ANO4: variants seen among roughly 807,000 people sequenced by gnomAD.
ANO4 encodes anoctamin 4.
A neutral mutation model predicts 141.9 loss-of-function variants in ANO4; 69 were observed. The observed-to-expected ratio is 0.49, with a 90% CI of 0.40 to 0.59. ANO4 has a LOEUF of 0.59. Ranked by LOEUF, ANO4 falls within the 20% of genes least tolerant of loss-of-function variation. The probability of loss-of-function intolerance (pLI) is 0.00; values close to 1 mark genes in which losing one functional copy is unlikely to be tolerated. For synonymous variants in ANO4, 350 were observed against 394.3 expected, an observed-to-expected ratio of 0.89 and a Z score of 1.33; for missense variants, 894 against 1,162.2, an observed-to-expected ratio of 0.77 and a Z score of 3.36.
chr12:100,924,711 A>G (rs1431606247), intron 3 of ANO4, among the ~76,000 whole-genome samples: 1 of 152,130 alleles, frequency 6.6e-6, no homozygotes, highest in Non-Finnish European at 1.5e-5. Flanking sequence ...GATTTGAAAG[A>G]TGATAGGTTG....
chr12:100,930,796 T>C (rs2042059454), intron 3 of ANO4, among the ~76,000 whole-genome samples: 1 of 152,144 alleles, frequency 6.6e-6, no homozygotes. Context: ...CAGTAAAATG[T>C]ATTTTTCCCC....
chr12:100,773,489 A>G (rs2033379839), intron 3 of ANO4, among the ~76,000 whole-genome samples: 1 of 152,232 alleles, frequency 6.6e-6, no homozygotes, highest in Non-Finnish European at 1.5e-5. Context: ...ATTTAGACAC[A>G]TTCCCTCAGT....
intron 8 of ANO4, among the ~76,000 whole-genome samples, chr12:101,007,845 A>G (rs2045935035): frequency 6.6e-6 from 1 of 152,126 alleles, no homozygotes; most frequent in African/African-American, 2.4e-5. Flanking sequence ...TCAGCCTCCC[A>G]GGTAGCTAGG....
At chr12:100,798,797 G>A (rs11110524) in intron 1 of ANO4, among the ~76,000 whole-genome samples, 7,283 of 152,256 alleles carry the variant, frequency 0.048, 239 homozygotes, top group Middle Eastern at 0.082. Context: ...TCTGAAGAGC[G>A]AAGAAATGTA....
intron 16 of ANO4, among the ~76,000 whole-genome samples, chr12:101,085,440 A>C (rs1427614778): frequency 6.6e-6 from 1 of 152,202 alleles, no homozygotes; most frequent in Non-Finnish European, 1.5e-5. Context: ...TTTCCTAAAC[A>C]ATACAGTATA....
intron 3 of ANO4, among the ~76,000 whole-genome samples, chr12:100,789,069 G>A (rs2033961274): frequency 6.6e-6 from 1 of 152,080 alleles, no homozygotes; most frequent in African/African-American, 2.4e-5. Flanking sequence ...ATAGAGCTGG[G>A]GAGAAATGGC....
chr12:101,058,994 G>A (rs960932691), intron 14 of ANO4, among the ~76,000 whole-genome samples: 2 of 152,100 alleles, frequency 1.3e-5, no homozygotes, highest in Admixed American at 6.5e-5. Flanking sequence ...TATTGGCTGT[G>A]GGTTTGTCAT....
chr12:101,061,474 G>T (rs902587969), intron 14 of ANO4, among the ~76,000 whole-genome samples: 1 of 152,010 alleles, frequency 6.6e-6, no homozygotes, highest in Non-Finnish European at 1.5e-5. Flanking sequence ...CCTGAAGAGT[G>T]TTTTCCAACT....
chr12:100,718,420 G>A (rs1204246497), intron 1 of ANO4, among the ~76,000 whole-genome samples: 1 of 152,160 alleles, frequency 6.6e-6, no homozygotes, highest in African/African-American at 2.4e-5. Flanking sequence ...ATCTAGATTT[G>A]GCATTTTAAA....
chr12:100,954,302 A>G (rs1197505714), intron 5 of ANO4, among the ~76,000 whole-genome samples: 2 of 152,160 alleles, frequency 1.3e-5, no homozygotes, highest in Non-Finnish European at 2.9e-5. Context: ...AGCCTGAAGC[A>G]CCACAGCAGC....
At chr12:101,100,343 G>A (rs545193265) in intron 22 of ANO4, among the ~76,000 whole-genome samples, 6 of 152,148 alleles carry the variant, frequency 3.9e-5, no homozygotes, top group African/African-American at 1.4e-4. Context: ...GGGAAGGGCT[G>A]GGCAAGAACC....
intron 3 of ANO4, among the ~76,000 whole-genome samples, chr12:100,749,908 T>G (rs1225977333): frequency 6.6e-6 from 1 of 152,198 alleles, no homozygotes; most frequent in Non-Finnish European, 1.5e-5. Context: ...TAGAGATAGC[T>G]TCAATAGCAC....
intron 3 of ANO4, among the ~76,000 whole-genome samples, chr12:100,743,064 G>A (rs2135476247): frequency 6.6e-6 from 1 of 151,556 alleles, no homozygotes; most frequent in South Asian, 2.1e-4. Flanking sequence ...TATGTATTGT[G>A]ATAAGTCCTT....
intron 14 of ANO4, among the ~76,000 whole-genome samples, chr12:101,058,797 G>C (rs1448621298): frequency 1.3e-5 from 2 of 152,092 alleles, no homozygotes; most frequent in African/African-American, 2.4e-5. Flanking sequence ...ATACAGTCAT[G>C]TCATCTGCAA....
intron 3 of ANO4, among the ~76,000 whole-genome samples, chr12:100,754,299 A>G (rs1187343571): frequency 6.6e-6 from 1 of 152,188 alleles, no homozygotes. Flanking sequence ...CCTCAAGTCT[A>G]TGCTCTTTTC....
chr12:101,110,373 T>C lies in ANO4; in HGVS notation c.2150-31T>C, dbSNP rs762303254. 3 of 1,575,752 alleles carry C rather than the reference T, an allele frequency of 1.9e-6. No individual in the cohort carries two copies. In the African/African-American group the frequency reaches 4.1e-5, roughly 21 times the overall value. Reference sequence around the variant, plus strand: ...GAAAATAGTAATGGAAAACCAATACTCTCTGCTCTTTTTCCTTTTTTCTTT... The same window carrying C: ...GAAAATAGTAATGGAAAACCAATACCCTCTGCTCTTTTTCCTTTTTTCTTT... On this transcript the variant is annotated intron_variant, in intron 22 of 27. Coordinates refer to ENST00000392977, the MANE Select transcript of ANO4 (RefSeq NM_001286615.2).
intron 14 of ANO4, chr12:101,066,846 C>G: frequency 7.3e-7 from 1 of 1,375,208 alleles, no homozygotes; most frequent in Non-Finnish European, 1.0e-6. Flanking sequence ...ATACCTGATG[C>G]GCTCAGTGAG....
At chr12:100,827,332 G>A (rs538339235) in intron 1 of ANO4, among the ~76,000 whole-genome samples, 1 of 151,896 alleles carries the variant, frequency 6.6e-6, no homozygotes. Flanking sequence ...CATAGCTAAT[G>A]TCCTTACTTT....
intron 1 of ANO4, among the ~76,000 whole-genome samples, chr12:100,882,789 C>G (rs990645221): frequency 1.3e-5 from 2 of 152,236 alleles, no homozygotes; most frequent in Admixed American, 1.3e-4. Flanking sequence ...ACCTCTGCCT[C>G]CCGGGTTCAA....
Sources: gnomAD v4.1 joint callset for allele counts (sites outside exome capture counted in the v4.1 genomes callset) on GRCh38, gnomAD v4.1.1 for gene constraint, MANE v1.5 for transcripts, NCBI Gene and HGNC (gene_info 2026-07-23, HGNC 2026-07-21) for gene names.